RUSC1: variants seen among roughly 807,000 people sequenced by gnomAD.
RUSC1 encodes the protein RUN and SH3 domain containing 1.
Under a neutral mutation model 72.1 loss-of-function variants are expected in RUSC1, and 40 were observed. That is an observed-to-expected ratio of 0.55 (90% CI 0.43 to 0.72). The LOEUF is 0.72. Ranked by LOEUF, RUSC1 falls within the 30% of genes least tolerant of loss-of-function variation. The pLI is 0.00. For synonymous variants in RUSC1, 512 were observed against 494.2 expected (o/e 1.04, Z -0.48); for missense variants, 1,092 against 1,172.3 (o/e 0.93, Z 1.00).
chr1:155,325,722 G>A lies in RUSC1; in HGVS notation c.1814+50G>A. 1.2e-6 allele frequency: 2 copies of A among 1,602,618 alleles called. No homozygotes were observed. The highest frequency in any genetic ancestry group is 1.3e-5 in the African/African-American group (1 of 74,742). ...CTTCCCACGACCTGGGACTGCAGGAGCGTCATGGGTGGGACACAGTAGTAG... is the reference window on the plus strand; with the variant it reads ...CTTCCCACGACCTGGGACTGCAGGAACGTCATGGGTGGGACACAGTAGTAG... On this transcript the variant is annotated intron_variant, in intron 6 of 9. Transcript: ENST00000368352. This position sits in a 1 kb window ranked among gnomAD's most constrained non-coding sequence, Gnocchi z 6.5.
At chr1:155,321,315 T>C (rs762795431) in intron 1 of RUSC1, 203 of 1,371,620 alleles carry the variant, frequency 1.5e-4, no homozygotes, top group Non-Finnish European at 1.9e-4. Flanking sequence ...TCAGGGCATC[T>C]GGGTGGGTCT....
At position 155,326,022 on chromosome 1, in the gene RUSC1, C is replaced by A; in HGVS notation, c.1861+112C>A. 8.8e-7 allele frequency: 1 copy of A among 1,141,192 alleles called. No homozygotes were observed. The highest frequency in any genetic ancestry group is 1.3e-5 in the South Asian group (1 of 79,800). 70.7% of individuals were successfully genotyped at this position (1,141,192 alleles called of 1,614,324 possible). On this transcript the variant is annotated intron_variant, in intron 7 of 9. Coordinates refer to ENST00000368352, the MANE Select transcript of RUSC1 (RefSeq NM_001105203.2). This position sits in a 1 kb window ranked among gnomAD's most constrained non-coding sequence, Gnocchi z 4.7. ...CCAGAATGCCATTAATCCAGATCTCCGATCTTATTACTCTTCTAATTAAAA... is the reference window on the plus strand; with the variant it reads ...CCAGAATGCCATTAATCCAGATCTCAGATCTTATTACTCTTCTAATTAAAA...
rs756035955 is a variant in RUSC1, at chr1:155,325,511, A to C, written c.1708+21A>C. 72 of 1,601,544 alleles carry C rather than the reference A, an allele frequency of 4.5e-5. No homozygotes were observed. The highest frequency in any genetic ancestry group is 5.7e-5 in the Non-Finnish European group (67 of 1,177,016). ...GCCAGGTGAGCCAGGAGGGCGTGGG[A>C]CCCGGCAGTGCGCAGGGCAGGGCCG... On this transcript the variant is annotated intron_variant, in intron 5 of 9. Transcript: ENST00000368352. This position sits in a 1 kb window ranked among gnomAD's most constrained non-coding sequence, Gnocchi z 6.5.
intron 1 of RUSC1, chr1:155,321,203 AGCTGACG>A (rs1557987140): frequency 7.3e-7 from 1 of 1,365,070 alleles, no homozygotes; most frequent in Admixed American, 2.0e-5. Context: ...GGAGTTGACA[AGCTGACG>A]GCTGCTCCAT....
intron 2 of RUSC1, chr1:155,323,440 T>G: frequency 7.7e-6 from 2 of 258,560 alleles, no homozygotes; most frequent in Non-Finnish European, 1.5e-5. Context: ...GGTTTTCCGG[T>G]TCTCGGCCGA....
chr1:155,330,671 C>A lies in RUSC1; in HGVS notation c.*100C>A. On this transcript the variant is annotated 3_prime_UTR_variant, in exon 10 of 10. Coordinates refer to ENST00000368352, the MANE Select transcript of RUSC1 (RefSeq NM_001105203.2). ...GAAGCATTTTCCCTCTGCAAAATGA[C>A]GTTTCTTCCCACGTCTGTTTCTGCT... 2 of 1,168,406 alleles carry A rather than the reference C, an allele frequency of 1.7e-6. No homozygotes were observed. Among genetic ancestry groups the A allele is most frequent in the Non-Finnish European group, 2.3e-6 (2 of 852,324 alleles). 72.4% of individuals were successfully genotyped at this position (1,168,406 alleles called of 1,614,324 possible).
At chr1:155,323,987 G>C (rs959633002) in intron 2 of RUSC1, 2 of 1,021,204 alleles carry the variant, frequency 2.0e-6, no homozygotes, top group African/African-American at 1.7e-5. Flanking sequence ...CCCGTTCCTA[G>C]TGCTGGAGGG....
At position 155,326,165 on chromosome 1, in the gene RUSC1, C is replaced by G; in HGVS notation, c.1861+255C>G. On this transcript the variant is annotated intron_variant, in intron 7 of 9. Transcript: ENST00000368352. This position sits in a 1 kb window ranked among gnomAD's most constrained non-coding sequence, Gnocchi z 4.7. ...CAACAGTCTTCCCGCCTGGCCCTTCCTGCTCCAGGGCCCTGCTTATGCTGT... is the reference window on the plus strand; with the variant it reads ...CAACAGTCTTCCCGCCTGGCCCTTCGTGCTCCAGGGCCCTGCTTATGCTGT... 1 of 586,000 alleles carries G rather than the reference C, an allele frequency of 1.7e-6. No homozygotes were observed. The highest frequency in any genetic ancestry group is 3.0e-6 in the Non-Finnish European group (1 of 329,182). The allele number at this position is 586,000 out of a possible 1,614,324, so 36.3% of individuals were successfully genotyped here. A position where few individuals can be genotyped will look rare whatever the true frequency, so the allele number is the denominator to read the frequency against.
At chr1:155,324,143 T>C in intron 2 of RUSC1, 1 of 1,306,892 alleles carries the variant, frequency 7.7e-7, no homozygotes, top group Non-Finnish European at 9.8e-7. Context: ...GGTCACACCC[T>C]CTGTGGAATT....
At position 155,325,406 on chromosome 1, in the gene RUSC1, G is replaced by A. The variant is rs1377930454; in HGVS notation, c.1624G>A (p.Gly542Arg). The A allele has an allele frequency of 1.9e-6, 3 of 1,592,072 alleles. No individual in the cohort carries two copies. Among genetic ancestry groups the A allele is most frequent in the Non-Finnish European group, 2.6e-6 (3 of 1,173,624 alleles). The change falls in exon 5 of 10, where the codon GGG becomes AGG. Residue 542 changes from glycine to arginine, a missense_variant. Coordinates refer to ENST00000368352, the MANE Select transcript of RUSC1 (RefSeq NM_001105203.2). This position sits in a 1 kb window ranked among gnomAD's most constrained non-coding sequence, Gnocchi z 6.5. ...CPALHALVAD[G>R]LKPFRKDLIT... ...GGCCCTCCACGCCCTGGTGGCGGACGGGCTGAAGCCTTTCCGGAAGGACCT... is the reference window on the plus strand; with the variant it reads ...GGCCCTCCACGCCCTGGTGGCGGACAGGCTGAAGCCTTTCCGGAAGGACCT...
At position 155,330,635 on chromosome 1, in the gene RUSC1, ACAC is replaced by A. The variant is rs1651926214; in HGVS notation, c.*67_*69del. 15 of 1,428,674 alleles carry A rather than the reference ACAC, an allele frequency of 1.0e-5. No individual in the cohort carries two copies. The highest frequency in any genetic ancestry group is 1.4e-5 in the Non-Finnish European group (15 of 1,064,540). 88.5% of individuals were successfully genotyped at this position (1,428,674 alleles called of 1,614,324 possible). Reference sequence around the variant, plus strand: ...CACCTGGGAATGGAATGGCCAGTGAACACCATCCCAGAAGCATTTTCCCTCTGC... The same window carrying A: ...CACCTGGGAATGGAATGGCCAGTGAACATCCCAGAAGCATTTTCCCTCTGC... On this transcript the variant is annotated 3_prime_UTR_variant, in exon 10 of 10. Transcript: ENST00000368352.
At chr1:155,324,668 T>C in intron 2 of RUSC1, 177 bp from the exon 3 acceptor site, 1 of 1,533,788 alleles carries the variant, frequency 6.5e-7, no homozygotes. Context: ...TGTGCGAGAT[T>C]TCACTCCGGG....
intron 2 of RUSC1, chr1:155,323,907 T>C (rs1650930698): frequency 1.0e-6 from 1 of 987,650 alleles, no homozygotes; most frequent in African/African-American, 1.7e-5. Flanking sequence ...TTTCCGGGGT[T>C]GCCCAGCTTA....
In RUSC1 at chr1:155,327,147, T is replaced by C. The variant is rs1651504403; in HGVS notation, c.2414+15T>C. The C allele has an allele frequency of 1.3e-6, 2 of 1,581,912 alleles. No individual in the cohort carries two copies. The highest frequency in any genetic ancestry group is 1.7e-6 in the Non-Finnish European group (2 of 1,162,700). On this transcript the variant is annotated intron_variant, in intron 8 of 9. Coordinates refer to ENST00000368352, the MANE Select transcript of RUSC1 (RefSeq NM_001105203.2). ...CTAAAGTCCAGGTAATGGGGTACCT[T>C]GTCCTTTCTATGACCTTCTGACTCT...
At chr1:155,323,940 G>C (rs1010112891) in intron 2 of RUSC1, 4 of 992,622 alleles carry the variant, frequency 4.0e-6, no homozygotes, top group Non-Finnish European at 4.8e-6. Context: ...AGTTTAAGCC[G>C]ACTCCAAGCA....
chr1:155,321,439 C>G lies in RUSC1; in HGVS notation c.-86-249C>G, dbSNP rs534045514. On this transcript the variant is annotated intron_variant, in intron 1 of 9. Coordinates refer to ENST00000368352, the MANE Select transcript of RUSC1 (RefSeq NM_001105203.2). Reference sequence around the variant, plus strand: ...CGGACCTCTTCCAGGCCCCCGCCCCCCTTCGGAGATCCAGAGCGCAGCCGC... The same window carrying G: ...CGGACCTCTTCCAGGCCCCCGCCCCGCTTCGGAGATCCAGAGCGCAGCCGC... The G allele has an allele frequency of 6.3e-5, 89 of 1,421,950 alleles. 2 individuals are homozygous for G. The South Asian group carries it at 8.3e-4, about 13-fold the overall frequency. The allele number at this position is 1,421,950 out of a possible 1,614,324, so 88.1% of individuals were successfully genotyped here. A position where few individuals can be genotyped will look rare whatever the true frequency, so the allele number is the denominator to read the frequency against.
chr1:155,324,627 A>T, intron 2 of RUSC1: 1 of 1,522,584 alleles, frequency 6.6e-7, no homozygotes, highest in South Asian at 1.2e-5. Flanking sequence ...GGGAACCGGG[A>T]TGGGGCTGGG....
rs1319508299 is a variant in RUSC1 at position 155,325,508 on chromosome 1, G to T, written c.1708+18G>T. 23 of 1,600,408 alleles carry T rather than the reference G, an allele frequency of 1.4e-5. No homozygotes were observed. The highest frequency in any genetic ancestry group is 2.0e-5 in the Non-Finnish European group (23 of 1,176,112). On this transcript the variant is annotated intron_variant, in intron 5 of 9. Transcript: ENST00000368352. This position sits in a 1 kb window ranked among gnomAD's most constrained non-coding sequence, Gnocchi z 6.5. Reference sequence around the variant, plus strand: ...GAAGCCAGGTGAGCCAGGAGGGCGTGGGACCCGGCAGTGCGCAGGGCAGGG... The same window carrying T: ...GAAGCCAGGTGAGCCAGGAGGGCGTTGGACCCGGCAGTGCGCAGGGCAGGG...
Position 155,325,966 on chromosome 1 carries a change from A to G in RUSC1, c.1861+56A>G. The G allele has an allele frequency of 6.4e-7, 1 of 1,552,570 alleles. No homozygotes were observed. The highest frequency in any genetic ancestry group is 8.9e-7 in the Non-Finnish European group (1 of 1,124,148). ...TGATGGGCTGGGAGGATGGGAAGGA[A>G]AGAGTTCTCTCCTGCTGGTTCCCAC... On this transcript the variant is annotated intron_variant, in intron 7 of 9. Coordinates refer to ENST00000368352, the MANE Select transcript of RUSC1 (RefSeq NM_001105203.2). The surrounding 1 kb of genome is among the most constrained non-coding windows in gnomAD (Gnocchi z 6.5).
Sources: allele counts gnomAD v4.1 joint callset, GRCh38; gene constraint gnomAD v4.1.1; non-coding constraint Gnocchi (gnomAD v3.1); transcripts MANE v1.5; gene names NCBI Gene and HGNC (gene_info 2026-07-23, HGNC 2026-07-21).